Variants in CTDP1 observed in about 807,000 individuals in gnomAD.
CTDP1 encodes CTD phosphatase 1.
A neutral mutation model predicts 91.8 loss-of-function variants in CTDP1; 47 were observed. The ratio of observed to expected loss-of-function variants is 0.51; its 90% confidence interval spans 0.41 to 0.65. CTDP1 has a LOEUF of 0.65. CTDP1 is among the 30% of genes least tolerant of loss of function. CTDP1 has a pLI of 0.00. For synonymous variants in CTDP1, 656 were observed against 598.5 expected (o/e 1.10, Z -1.40); for missense variants, 1,272 against 1,373.7 (o/e 0.93, Z 1.17).
chr18:79,724,773 C>G (rs1050546413), intron 10 of CTDP1, among the ~76,000 whole-genome samples: 1 of 152,214 alleles, frequency 6.6e-6, no homozygotes, highest in African/African-American at 2.4e-5. Flanking sequence ...CAGAGATTTT[C>G]TTGATGTTTT....
At chr18:79,704,110 A>G (rs1455576439) in intron 4 of CTDP1, among the ~76,000 whole-genome samples, 1 of 152,098 alleles carries the variant, frequency 6.6e-6, no homozygotes, top group Non-Finnish European at 1.5e-5. Context: ...CAGTATTCAC[A>G]CTCACTGAGG....
chr18:79,746,366 A>ACCCTGCATCCCTCCCG (rs1568220058), intron 12 of CTDP1, among the ~76,000 whole-genome samples: 2 of 101,990 alleles, frequency 2.0e-5, no homozygotes, highest in East Asian at 3.1e-4. Flanking sequence ...CGTCCCTCCC[A>ACCCTGCATCCCTCCCG]TGCGCGTTCT....
At chr18:79,726,810 G>GTGGGGGATGGGGGTGACGCCA (rs2086453778) in intron 10 of CTDP1, among the ~76,000 whole-genome samples, 15 of 106,820 alleles carry the variant, frequency 1.4e-4, no homozygotes, top group African/African-American at 5.4e-4. Context: ...GGGTGACGCT[G>GTGGGGGATGGGGGTGACGCCA]TTGCTGGTGG....
chr18:79,690,132 A>G (rs2085589325), intron 1 of CTDP1, among the ~76,000 whole-genome samples: 1 of 151,972 alleles, frequency 6.6e-6, no homozygotes, highest in Admixed American at 6.6e-5. Flanking sequence ...CTTAGGGAAG[A>G]CCCTGGAGCC....
At chr18:79,692,543 T>A (rs1016335465) in intron 1 of CTDP1, among the ~76,000 whole-genome samples, 46 of 152,380 alleles carry the variant, frequency 3.0e-4, no homozygotes, top group African/African-American at 1.1e-3. Context: ...TCCTTCTTCA[T>A]GTTAACATGT....
Position 79,714,808 on chromosome 18 carries a change from C to A in CTDP1, c.1348C>A (p.Leu450Met). ...TGCCCAGGGTGCCACGGGCACTGAC[C>A]TGGACTTTGACTTATCCAGCGACAG... ...RPAQGATGTD[L>M]DFDLSSDSES... Residue 450 changes from leucine (L) to methionine (M), a missense_variant, in exon 8 of 13, where the codon CTG becomes ATG. Physicochemically the swap from Leu to Met is conservative, Grantham distance 15. Transcript: ENST00000613122. The A allele has an allele frequency of 6.2e-7, 1 of 1,603,358 alleles. No individual in the cohort carries two copies. Among genetic ancestry groups the A allele is most frequent in the Non-Finnish European group, 8.5e-7 (1 of 1,176,216 alleles).
In CTDP1 at chr18:79,737,999, C is replaced by T. The variant is rs191352678; in HGVS notation, c.2747+1478C>T. 4.7e-3 allele frequency among the ~76,000 whole-genome samples: 705 copies of T among 150,246 alleles called. 9 individuals are homozygous for T. The highest frequency in any genetic ancestry group is 0.017 in the African/African-American group (679 of 39,848). On this transcript the variant is annotated intron_variant, in intron 12 of 12. Transcript: ENST00000613122. ...TGGCTGCCTCTCCGCTCCACTCCCC[C>T]GGCCTCCCCCGCAGGTCCCCGCCTC...
Position 79,753,853 on chromosome 18 carries a change from A to T in CTDP1, c.*63A>T, listed in dbSNP as rs1055568719. On this transcript the variant is annotated 3_prime_UTR_variant, in exon 13 of 13. Transcript: ENST00000613122. ...TCCAGCAGCACTCGGACGTCCCCGG[A>T]CCAGCCCTCAGTCTCGGTCCACGCT... is the stretch of plus-strand genomic sequence containing the variant. 2 of 1,577,878 alleles carry T rather than the reference A, an allele frequency of 1.3e-6. No individual in the cohort carries two copies. The highest frequency in any genetic ancestry group is 2.7e-5 in the African/African-American group (2 of 74,198).
At chr18:79,712,901 T>TA (rs1414426093) in intron 6 of CTDP1, 71 bp from the exon 7 acceptor site, 17 of 1,528,948 alleles carry the variant, frequency 1.1e-5, no homozygotes, top group South Asian at 4.5e-5. Context: ...CTTAAACTGT[T>TA]ACGCTTGGCA....
intron 10 of CTDP1, among the ~76,000 whole-genome samples, chr18:79,728,389 C>T (rs1008584113): frequency 5.9e-5 from 9 of 152,318 alleles, no homozygotes; most frequent in African/African-American, 1.9e-4. Context: ...CATGAGCCAC[C>T]GTGCTGACCT....
chr18:79,730,358 C>T (rs2086540526), intron 11 of CTDP1, among the ~76,000 whole-genome samples: 1 of 152,234 alleles, frequency 6.6e-6, no homozygotes, highest in Non-Finnish European at 1.5e-5. Context: ...TGCCTGGAAG[C>T]TGCTGACACG....
chr18:79,718,977 T>C (rs1200544192), intron 10 of CTDP1, among the ~76,000 whole-genome samples: 1 of 152,148 alleles, frequency 6.6e-6, no homozygotes, highest in East Asian at 1.9e-4. Context: ...GCACTGTCCC[T>C]GCGTGGGGAT....
At chr18:79,736,601 C>T in intron 12 of CTDP1, 80 bp downstream of exon 12, 7 of 1,351,406 alleles carry the variant, frequency 5.2e-6, no homozygotes, top group Non-Finnish European at 5.9e-6. Flanking sequence ...CGCCTACCTG[C>T]ATCTCATTCT....
At chr18:79,679,168 G>A, upstream of CTDP1, 10 of 321,588 alleles carry the variant, frequency 3.1e-5, no homozygotes, top group South Asian at 1.6e-4. Context: ...CCTTGCCCCA[G>A]ACGGGCCCAC....
intron 6 of CTDP1, among the ~76,000 whole-genome samples, chr18:79,711,521 G>C (rs115581316): frequency 0.014 from 2,146 of 152,292 alleles, 53 homozygotes; most frequent in African/African-American, 0.048. Context: ...GACCCGAGTG[G>C]GCAGAGGAAT....
At chr18:79,696,418 A>G (rs1289791075) in intron 3 of CTDP1, among the ~76,000 whole-genome samples, 7 of 152,042 alleles carry the variant, frequency 4.6e-5, no homozygotes, top group Admixed American at 4.6e-4. Flanking sequence ...ACAGCTGCTC[A>G]TGGAGCTCAG....
chr18:79,702,080 G>A (rs1481098020), intron 4 of CTDP1, among the ~76,000 whole-genome samples: 2 of 152,256 alleles, frequency 1.3e-5, no homozygotes, highest in Non-Finnish European at 1.5e-5. Context: ...CAGGGTCTAC[G>A]AGGATTGCTC....
chr18:79,731,024 C>T (rs2086555064), intron 11 of CTDP1, among the ~76,000 whole-genome samples: 2 of 152,202 alleles, frequency 1.3e-5, no homozygotes, highest in South Asian at 4.1e-4. Context: ...GATGAGGCAG[C>T]TTCACCCCAG....
At chr18:79,708,769 C>T (rs537046953) in intron 5 of CTDP1, among the ~76,000 whole-genome samples, 44 of 152,374 alleles carry the variant, frequency 2.9e-4, no homozygotes, top group Non-Finnish European at 2.9e-5. Flanking sequence ...AATCCAGTCC[C>T]CGTTTTGTTC....
Sources: gnomAD v4.1 joint callset for allele counts (sites outside exome capture counted in the v4.1 genomes callset) on GRCh38, gnomAD v4.1.1 for gene constraint, MANE v1.5 for transcripts, NCBI Gene and HGNC (gene_info 2026-07-23, HGNC 2026-07-21) for gene names.